The following SPON1 variants were observed in gnomAD, a reference collection of about 807,000 sequenced individuals.
The protein encoded by SPON1 is spondin 1.
Under a neutral mutation model 111.7 loss-of-function variants are expected in SPON1, and 52 were observed. The ratio of observed to expected loss-of-function variants is 0.47; its 90% CI spans 0.37 to 0.59. The LOEUF (loss-of-function observed/expected upper bound fraction) is 0.59. SPON1 is among the 20% of genes least tolerant of loss of function. SPON1 has a pLI of 0.00. For synonymous variants in SPON1, 410 were observed against 395.8 expected, an observed-to-expected ratio of 1.04 and a Z score of -0.43; for missense variants, 957 against 1,068.5, an observed-to-expected ratio of 0.90 and a Z score of 1.46.
intron 2 of SPON1, among the ~76,000 whole-genome samples, chr11:13,990,321 A>T (rs1848218070): frequency 1.0e-5 from 1 of 97,102 alleles, no homozygotes; most frequent in Admixed American, 1.2e-4. Context: ...GTCTCTTTTG[A>T]TCTTTGTTGG....
intron 2 of SPON1, among the ~76,000 whole-genome samples, chr11:14,015,259 T>A (rs1403116072): frequency 1.3e-5 from 2 of 152,220 alleles, no homozygotes; most frequent in African/African-American, 2.4e-5. Context: ...GTACAAGATC[T>A]AGGTGCCAGC....
chr11:14,063,190 A>G (rs1848804799), intron 3 of SPON1, among the ~76,000 whole-genome samples: 6 of 152,074 alleles, frequency 3.9e-5, no homozygotes, highest in Admixed American at 3.9e-4. Context: ...GTTTTAATTT[A>G]TTCCTTGCCA....
intron 6 of SPON1, among the ~76,000 whole-genome samples, chr11:14,150,827 C>G (rs781857268): frequency 6.6e-6 from 1 of 152,150 alleles, no homozygotes; most frequent in Non-Finnish European, 1.5e-5. Flanking sequence ...AGGGCTTAAC[C>G]TTGCCTTGGG....
At chr11:14,255,536 ATGCT>A in intron 8 of SPON1, 107 bp from the exon 9 acceptor site, 1 of 931,504 alleles carries the variant, frequency 1.1e-6, no homozygotes, top group Non-Finnish European at 1.7e-6. Flanking sequence ...AATAGTAGTT[ATGCT>A]TGTTAAATTC....
At chr11:14,098,262 C>G (rs868967167) in intron 5 of SPON1, among the ~76,000 whole-genome samples, 1 of 152,210 alleles carries the variant, frequency 6.6e-6, no homozygotes, top group Non-Finnish European at 1.5e-5. Flanking sequence ...TCCCAAAGTG[C>G]TGGGATTACA....
Position 14,041,509 on chromosome 11 carries a change from G to T in SPON1, c.346-12G>T. The T allele has an allele frequency of 6.2e-7, 1 of 1,613,392 alleles. No homozygotes were observed. Among genetic ancestry groups the T allele is most frequent in the East Asian group, 2.2e-5 (1 of 44,878 alleles). ...ATGTTGCATGTATTTATTTCCCACT[G>T]GTTTTCCGTAGATCATAGACGAAGA... is the stretch of plus-strand genomic sequence containing the variant. On this transcript the variant is annotated splice_polypyrimidine_tract_variant and intron_variant, in intron 2 of 15. Transcript: ENST00000576479.
chr11:14,038,944 C>A (rs1848613500), intron 2 of SPON1, among the ~76,000 whole-genome samples: 2 of 152,168 alleles, frequency 1.3e-5, no homozygotes, highest in South Asian at 4.1e-4. Flanking sequence ...TCAGAAGTAA[C>A]CAAGATATCC....
chr11:14,213,880 G>A (rs1447634391), intron 6 of SPON1, among the ~76,000 whole-genome samples: 1 of 152,128 alleles, frequency 6.6e-6, no homozygotes, highest in East Asian at 1.9e-4. Context: ...TAGATTTTTA[G>A]GTGAGCCAGC....
chr11:14,142,268 G>T (rs1847665406), intron 6 of SPON1, among the ~76,000 whole-genome samples: 1 of 152,086 alleles, frequency 6.6e-6, no homozygotes, highest in Admixed American at 6.5e-5. Context: ...AAAATGAGGG[G>T]TTTGTCCTAA....
intron 6 of SPON1, among the ~76,000 whole-genome samples, chr11:14,210,013 G>A (rs771316860): frequency 2.6e-5 from 4 of 152,220 alleles, no homozygotes; most frequent in Non-Finnish European, 4.4e-5. Flanking sequence ...AATGACCAGC[G>A]ATGATGGGCT....
chr11:14,144,451 G>A (rs1446012449), intron 6 of SPON1, among the ~76,000 whole-genome samples: 1 of 151,862 alleles, frequency 6.6e-6, no homozygotes, highest in Non-Finnish European at 1.5e-5. Context: ...CCAACATGGT[G>A]AAACCCTGTC....
Position 14,259,853 on chromosome 11 carries a change from A to G in SPON1, c.1831+152A>G, listed in dbSNP as rs1285966526. On this transcript the variant is annotated intron_variant, in intron 13 of 15. Coordinates refer to ENST00000576479, the MANE Select transcript of SPON1 (RefSeq NM_006108.4). This position sits in a 1 kb window ranked among gnomAD's most constrained non-coding sequence, Gnocchi z 5.0. Reference sequence around the variant, plus strand: ...TGGGCACTGCTGGGAGCCAGATGAGAGACATAGGTGTGTAGACATCAACCA... The same window carrying G: ...TGGGCACTGCTGGGAGCCAGATGAGGGACATAGGTGTGTAGACATCAACCA... 5.9e-5 allele frequency among the ~76,000 whole-genome samples: 9 copies of G among 152,194 alleles called. No homozygotes were observed. The highest frequency in any genetic ancestry group is 1.0e-4 in the Non-Finnish European group (7 of 68,036).
chr11:14,045,778 G>C (rs984805967), intron 3 of SPON1, among the ~76,000 whole-genome samples: 3 of 151,562 alleles, frequency 2.0e-5, no homozygotes, highest in African/African-American at 7.3e-5. Context: ...ATGACACTTT[G>C]TTGTAAATTT....
rs552714259 is a variant in SPON1 at position 14,135,233 on chromosome 11, A to G, written c.677-187A>G. The G allele has an allele frequency of 6.0e-5, 34 of 566,104 alleles. No homozygotes were observed. In the South Asian group the frequency reaches 1.0e-3, roughly 17 times the overall value. The allele number at this position is 566,104 out of a possible 1,614,324, so 35.1% of individuals were successfully genotyped here. A position where few individuals can be genotyped will look rare whatever the true frequency, so the allele number is the denominator to read the frequency against. On this transcript the variant is annotated intron_variant, in intron 5 of 15. Coordinates refer to ENST00000576479, the MANE Select transcript of SPON1 (RefSeq NM_006108.4). This position sits in a 1 kb window ranked among gnomAD's most constrained non-coding sequence, Gnocchi z 4.4. ...ACATCTGCTGTTGACCTGTCTGTAC[A>G]TTCCCAAGACCTATTTGCTTATAGG... is the stretch of plus-strand genomic sequence containing the variant.
intron 2 of SPON1, among the ~76,000 whole-genome samples, chr11:14,030,386 T>A (rs1315003355): frequency 6.6e-6 from 1 of 152,150 alleles, no homozygotes; most frequent in East Asian, 1.9e-4. Flanking sequence ...AAATGCAATC[T>A]GGTGTTTCTC....
At chr11:13,988,129 T>C (rs1390800104) in intron 2 of SPON1, among the ~76,000 whole-genome samples, 8 of 152,306 alleles carry the variant, frequency 5.3e-5, no homozygotes, top group African/African-American at 1.9e-4. Flanking sequence ...ATTGAATCTA[T>C]AAATTACTTT....
intron 1 of SPON1, among the ~76,000 whole-genome samples, chr11:13,980,197 T>A (rs1848133609): frequency 6.6e-6 from 1 of 152,164 alleles, no homozygotes; most frequent in East Asian, 1.9e-4. Flanking sequence ...TGTGCCACCA[T>A]GTCCGGCTAA....
At chr11:14,060,363 A>G (rs1403080538) in intron 3 of SPON1, among the ~76,000 whole-genome samples, 1 of 152,226 alleles carries the variant, frequency 6.6e-6, no homozygotes, top group Non-Finnish European at 1.5e-5. Flanking sequence ...TTTCCTTGAC[A>G]AATGGAAGGC....
chr11:14,171,851 G>A (rs1354514920), intron 6 of SPON1, among the ~76,000 whole-genome samples: 4 of 150,240 alleles, frequency 2.7e-5, no homozygotes, highest in African/African-American at 9.8e-5. Flanking sequence ...ACTGTGGTCT[G>A]AGAGACAGTT....
Sources: gnomAD v4.1 joint callset for allele counts (sites outside exome capture counted in the v4.1 genomes callset) on GRCh38, gnomAD v4.1.1 for gene constraint, Gnocchi (gnomAD v3.1) non-coding constraint, MANE v1.5 for transcripts, NCBI Gene and HGNC (gene_info 2026-07-23, HGNC 2026-07-21) for gene names.